Variants in ALKAL2 observed in about 807,000 individuals in gnomAD.
ALKAL2 encodes ALK and LTK ligand 2.
ALKAL2 carries 8 observed loss-of-function variants against 18.5 expected under a neutral mutation model. That is an observed-to-expected ratio of 0.43 (90% CI 0.25 to 0.78). ALKAL2 has a LOEUF of 0.78. ALKAL2 is among the 30% of genes least tolerant of loss of function. The probability of loss-of-function intolerance (pLI) is 0.22; values close to 1 mark genes in which losing one functional copy is unlikely to be tolerated. For synonymous variants in ALKAL2, 135 were observed against 95.8 expected (o/e 1.41, Z -2.39); for missense variants, 241 against 211.2 (o/e 1.14, Z -0.88).
Position 280,001 on chromosome 2 carries a change from C to A in ALKAL2, c.*146G>T. On this transcript the variant is annotated 3_prime_UTR_variant, in exon 6 of 6. Transcript: ENST00000403610. ...ATATCTGCAAACTGTCAACAACATA[C>A]AAAACTCAAAGGACTTATGGAAGAG... is the stretch of plus-strand genomic sequence containing the variant. 1 of 862,878 alleles carries A rather than the reference C, an allele frequency of 1.2e-6. No individual in the cohort carries two copies. The highest frequency in any genetic ancestry group is 1.9e-6 in the Non-Finnish European group (1 of 512,942). 53.5% of individuals were successfully genotyped at this position (862,878 alleles called of 1,614,324 possible). A position where few individuals can be genotyped will look rare whatever the true frequency, so the allele number is the denominator to read the frequency against.
rs1377554424 is a variant in ALKAL2 at position 287,678 on chromosome 2, G to C, written c.158C>G (p.Ser53Trp). The C allele has an allele frequency of 2.0e-6, 3 of 1,483,346 alleles. No homozygotes were observed. Among genetic ancestry groups the C allele is most frequent in the Middle Eastern group, 1.9e-4 (1 of 5,368 alleles). 91.9% of individuals were successfully genotyped at this position (1,483,346 alleles called of 1,614,324 possible). ...ELVQELRKHH[S>W]AEHKGLQLLG... ...GAGCTGCAGGCCCTTGTGCTCCGCC[G>C]AGTGGTGCTTCCGCAGCTCCTGGAC... The change falls in exon 2 of 6, where the codon TCG becomes TGG. Residue 53 changes from serine (S) to tryptophan (W), a missense_variant. Coordinates refer to ENST00000403610, the MANE Select transcript of ALKAL2 (RefSeq NM_001002919.3).
In ALKAL2 at chr2:288,024, C is replaced by T. The variant is rs1189950073; in HGVS notation, c.-69G>A. ...ACCCGGCCCCTCACCTCCGCGGACC[C>T]CGAGGAACAAGCCGGCAGGTGAGGG... On this transcript the variant is annotated 5_prime_UTR_variant, in exon 1 of 6. Coordinates refer to ENST00000403610, the MANE Select transcript of ALKAL2 (RefSeq NM_001002919.3). 6 of 1,223,240 alleles carry T rather than the reference C, an allele frequency of 4.9e-6. No homozygotes were observed. The highest frequency in any genetic ancestry group is 1.6e-5 in the African/African-American group (1 of 63,424). The allele number at this position is 1,223,240 out of a possible 1,614,324, so 75.8% of individuals were successfully genotyped here.
Position 286,209 on chromosome 2 carries a change from AC to A in ALKAL2, c.308-7del. The A allele has an allele frequency of 6.2e-7, 1 of 1,613,728 alleles. No individual in the cohort carries two copies. Among genetic ancestry groups the A allele is most frequent in the Non-Finnish European group, 8.5e-7 (1 of 1,179,672 alleles). ...TGGACTAAAATAAAGAGGGCCTGGA[AC>A]ACGGAAGAAGAAACAGATCATGAAG... On this transcript the variant is annotated splice_polypyrimidine_tract_variant and splice_region_variant and intron_variant, in intron 3 of 5. Transcript: ENST00000403610.
chr2:288,090 A>G lies in ALKAL2; in HGVS notation c.-135T>C. 1.7e-6 allele frequency: 2 copies of G among 1,182,830 alleles called. No individual in the cohort carries two copies. Among genetic ancestry groups the G allele is most frequent in the Non-Finnish European group, 2.1e-6 (2 of 957,034 alleles). The allele number at this position is 1,182,830 out of a possible 1,614,324, so 73.3% of individuals were successfully genotyped here. On this transcript the variant is annotated 5_prime_UTR_variant, in exon 1 of 6. Coordinates refer to ENST00000403610, the MANE Select transcript of ALKAL2 (RefSeq NM_001002919.3). ...GACGATCACGCCCGAGGTCCCGCCCACGGGGAGCGACCGCCGCTGGTGCGG... is the reference window on the plus strand; with the variant it reads ...GACGATCACGCCCGAGGTCCCGCCCGCGGGGAGCGACCGCCGCTGGTGCGG...
chr2:287,735 C>A lies in ALKAL2; in HGVS notation c.101G>T (p.Gly34Val). The A allele has an allele frequency of 6.8e-7, 1 of 1,460,796 alleles. No individual in the cohort carries two copies. The highest frequency in any genetic ancestry group is 1.3e-5 in the South Asian group (1 of 75,566). The allele number at this position is 1,460,796 out of a possible 1,614,324, so 90.5% of individuals were successfully genotyped here. ...CACCACCAGCCGCAGCAGCGCCTGTCCGTCCGCCGGCTCCCGGGGCTCCGC... is the reference window on the plus strand; with the variant it reads ...CACCACCAGCCGCAGCAGCGCCTGTACGTCCGCCGGCTCCCGGGGCTCCGC... The part of the protein sequence containing the change: ...GGAEPREPAD[G>V]QALLRLVVEL... The change falls in exon 2 of 6, where the codon GGA becomes GTA. Residue 34 changes from glycine to valine, a missense_variant. By Grantham distance (109) the Gly-to-Val change is moderately radical. Transcript: ENST00000403610.
intron 5 of ALKAL2, among the ~76,000 whole-genome samples, chr2:282,090 TAGC>T (rs920464383): frequency 2.0e-4 from 30 of 152,280 alleles, no homozygotes; most frequent in African/African-American, 7.2e-4. Context: ...TTCCTCTCAT[TAGC>T]AGCAGTTTCT....
rs1670505589 is a variant in ALKAL2 at position 286,299 on chromosome 2, G to A, written c.298C>T (p.His100Tyr). ...CGAGGAGAAAACTTACCTGTAAGGT[G>A]TTTTAGAAACTTGTCCTTCATCCTC... ...DLRMKDKFLK[H>Y]LTGPLYFSPK... Residue 100 changes from histidine to tyrosine, a missense_variant, in exon 3 of 6, where the codon CAC becomes TAC. Transcript: ENST00000403610. 6.2e-7 allele frequency: 1 copy of A among 1,612,472 alleles called. No homozygotes were observed. The highest frequency in any genetic ancestry group is 8.5e-7 in the Non-Finnish European group (1 of 1,179,126).
rs762062138 is a variant in ALKAL2 at position 283,192 on chromosome 2, TCAGACTC to T, written c.389-24_389-18del. 1 of 1,609,488 alleles carries T rather than the reference TCAGACTC, an allele frequency of 6.2e-7. No individual in the cohort carries two copies. Among genetic ancestry groups the T allele is most frequent in the South Asian group, 1.1e-5 (1 of 89,854 alleles). On this transcript the variant is annotated intron_variant, in intron 4 of 5. Coordinates refer to ENST00000403610, the MANE Select transcript of ALKAL2 (RefSeq NM_001002919.3). ...TTTTATAGTCTACGGTGAAAATATA[TCAGACTC>T]TTGTCAGTTACTTAAAAAACAAATA...
chr2:284,297 C>T (rs1227706239), intron 4 of ALKAL2, among the ~76,000 whole-genome samples: 1 of 152,184 alleles, frequency 6.6e-6, no homozygotes, highest in Non-Finnish European at 1.5e-5. Context: ...ATCTGGGGAT[C>T]TTATTAAAAT....
intron 5 of ALKAL2, 98 bp from the exon 6 acceptor site, chr2:280,250 T>C: frequency 7.4e-7 from 1 of 1,342,374 alleles, no homozygotes; most frequent in Non-Finnish European, 1.1e-6. Context: ...AACATGTTTA[T>C]AAACATAGGC....
At chr2:283,259 A>C (rs1044652430) in intron 4 of ALKAL2, 84 bp from the exon 5 acceptor site, 3 of 1,534,084 alleles carry the variant, frequency 2.0e-6, no homozygotes, top group Non-Finnish European at 2.6e-6. Context: ...CAGCTACTAA[A>C]GCCATTTATT....
chr2:283,093 G>C lies in ALKAL2; in HGVS notation c.453+18C>G. 1 of 1,606,544 alleles carries C rather than the reference G, an allele frequency of 6.2e-7. No homozygotes were observed. Among genetic ancestry groups the C allele is most frequent in the Admixed American group, 1.7e-5 (1 of 58,948 alleles). The stretch of plus-strand genomic sequence containing the variant: ...CCATCTTTGGTATGTGCTCCAGTGT[G>C]TGTCTGTCCAAGCTTACCTTATCCT... On this transcript the variant is annotated intron_variant, in intron 5 of 5. Transcript: ENST00000403610.
intron 2 of ALKAL2, 53 bp downstream of exon 2, chr2:287,530 A>T: frequency 8.0e-7 from 1 of 1,250,836 alleles, no homozygotes; most frequent in Non-Finnish European, 1.0e-6. Flanking sequence ...TTTCTCAAAG[A>T]CAATTCTATT....
Position 283,106 on chromosome 2 carries a change from C to T in ALKAL2, c.453+5G>A. On this transcript the variant is annotated splice_donor_5th_base_variant and intron_variant, in intron 5 of 5. Transcript: ENST00000403610. ...GTGCTCCAGTGTGTGTCTGTCCAAG[C>T]TTACCTTATCCTCCATGCACACTGG... The T allele has an allele frequency of 6.2e-7, 1 of 1,611,006 alleles. No individual in the cohort carries two copies. The highest frequency in any genetic ancestry group is 8.5e-7 in the Non-Finnish European group (1 of 1,178,648).
intron 5 of ALKAL2, among the ~76,000 whole-genome samples, chr2:282,335 G>A (rs565588204): frequency 1.1e-4 from 16 of 152,278 alleles, no homozygotes; most frequent in South Asian, 6.2e-4. Flanking sequence ...AATGTGCTCC[G>A]GACAGCTATC....
intron 5 of ALKAL2, among the ~76,000 whole-genome samples, chr2:281,741 T>C (rs72774510): frequency 0.24 from 36,074 of 151,466 alleles, 5,191 homozygotes; most frequent in African/African-American, 0.37. Flanking sequence ...TTTCCAAGGA[T>C]GTCCCTGGCC....
chr2:287,481 T>G, intron 2 of ALKAL2, 102 bp downstream of exon 2: 5 of 728,082 alleles, frequency 6.9e-6, no homozygotes, highest in Non-Finnish European at 7.8e-6. Flanking sequence ...GGAATCCTGC[T>G]GTTCAGTGGT....
rs1269600745 is a variant in ALKAL2 at position 283,126 on chromosome 2, C to G, written c.438G>C (p.Val146=). Residue 146 remains valine, a synonymous_variant, in exon 5 of 6, where the codon GTG becomes GTC. Coordinates refer to ENST00000403610, the MANE Select transcript of ALKAL2 (RefSeq NM_001002919.3). ...CCAAGCTTACCTTATCCTCCATGCA[C>G]ACTGGACTGACAGCCAGCCGGGTAA... ...RLLTRLAVSP[V]CMEDKQ The G allele has an allele frequency of 6.2e-6, 10 of 1,612,666 alleles. No individual in the cohort carries two copies. The East Asian group carries it at 1.8e-4, about 29-fold the overall frequency.
In ALKAL2 at chr2:279,974, A is replaced by G; in HGVS notation, c.*173T>C. 1.4e-6 allele frequency: 1 copy of G among 694,356 alleles called. No homozygotes were observed. The allele number at this position is 694,356 out of a possible 1,614,324, so 43.0% of individuals were successfully genotyped here. A position where few individuals can be genotyped will look rare whatever the true frequency, so the allele number is the denominator to read the frequency against. On this transcript the variant is annotated 3_prime_UTR_variant, in exon 6 of 6. Coordinates refer to ENST00000403610, the MANE Select transcript of ALKAL2 (RefSeq NM_001002919.3). ...TGTCAAGTACACTGATTTATCGAAT[A>G]TATATCTGCAAACTGTCAACAACAT...
Sources: allele counts gnomAD v4.1 joint callset (sites outside exome capture counted in the v4.1 genomes callset), GRCh38; gene constraint gnomAD v4.1.1; transcripts MANE v1.5; gene names NCBI Gene and HGNC (gene_info 2026-07-23, HGNC 2026-07-21).